The following ARHGAP24 variants were observed in gnomAD, a reference collection of about 807,000 sequenced individuals.
The protein encoded by ARHGAP24 is rho GTPase-activating protein 24.
ARHGAP24 carries 50 observed loss-of-function variants against 76.4 expected under a neutral mutation model. The ratio of observed to expected loss-of-function variants is 0.65; its 90% CI spans 0.52 to 0.83. The LOEUF is 0.83. Among genes scored for constraint, ARHGAP24 ranks in the 40% least tolerant of loss-of-function variants. ARHGAP24 has a pLI of 0.00. For missense variants in ARHGAP24, 930 were observed against 914.2 expected, an observed-to-expected ratio of 1.02 and a Z score of -0.22; for synonymous variants, 345 against 323.3, an observed-to-expected ratio of 1.07 and a Z score of -0.72.
intron 2 of ARHGAP24, among the ~76,000 whole-genome samples, chr4:85,678,233 G>T (rs1368677225): frequency 5.3e-5 from 8 of 151,742 alleles, no homozygotes; most frequent in African/African-American, 1.7e-4. Flanking sequence ...GCATGGCATA[G>T]TGGTGACCTG....
In ARHGAP24 at chr4:85,476,504, A is replaced by G. The variant is rs558947186; in HGVS notation, c.-21+945A>G. On this transcript the variant is annotated intron_variant, in intron 1 of 9. Transcript: ENST00000395184. ...TAAATAAATCGTGCTGAGTATTTGG[A>G]ATATAAAAGTTGTTAAGGCTTTGCT... is the stretch of plus-strand genomic sequence containing the variant. Among the ~76,000 whole-genome samples the G allele has an allele frequency of 7.6e-4, 116 of 152,304 alleles. 1 individual carries two copies. The South Asian group carries it at 8.9e-3, about 12-fold the overall frequency.
At chr4:85,625,035 A>C (rs1720887875) in intron 2 of ARHGAP24, among the ~76,000 whole-genome samples, 1 of 152,084 alleles carries the variant, frequency 6.6e-6, no homozygotes, top group African/African-American at 2.4e-5. Context: ...TCCTGAATTC[A>C]TTAATTTTTT....
intron 1 of ARHGAP24, among the ~76,000 whole-genome samples, chr4:85,504,284 G>A (rs532829322): frequency 1.1e-4 from 17 of 152,240 alleles, no homozygotes; most frequent in South Asian, 4.1e-4. Flanking sequence ...TTAACCTTCC[G>A]TCTCATTGAT....
At chr4:85,710,296 G>A (rs1724477226) in intron 2 of ARHGAP24, among the ~76,000 whole-genome samples, 1 of 152,156 alleles carries the variant, frequency 6.6e-6, no homozygotes, top group Admixed American at 6.6e-5. Flanking sequence ...TAACTGGCTA[G>A]CCATATGCAG....
intron 2 of ARHGAP24, among the ~76,000 whole-genome samples, chr4:85,606,287 G>T (rs1560549915): frequency 6.6e-6 from 1 of 152,134 alleles, no homozygotes; most frequent in African/African-American, 2.4e-5. Flanking sequence ...GCCAAGGCGG[G>T]CAGATCATGA....
chr4:85,480,853 C>T (rs889243608), intron 1 of ARHGAP24, among the ~76,000 whole-genome samples: 9 of 152,000 alleles, frequency 5.9e-5, no homozygotes, highest in African/African-American at 1.4e-4. Context: ...TTAGGGATGT[C>T]GCTGAGAAGG....
intron 2 of ARHGAP24, among the ~76,000 whole-genome samples, chr4:85,629,551 C>A (rs1444426210): frequency 1.3e-5 from 2 of 152,112 alleles, no homozygotes; most frequent in African/African-American, 2.4e-5. Context: ...AAAATTAACT[C>A]CCATAGTTTT....
At chr4:85,969,631 C>T (rs1180528338) in intron 5 of ARHGAP24, among the ~76,000 whole-genome samples, 1 of 152,086 alleles carries the variant, frequency 6.6e-6, no homozygotes, top group Admixed American at 6.6e-5. Flanking sequence ...TATGCATATC[C>T]TTCCCCAAGC....
intron 9 of ARHGAP24, among the ~76,000 whole-genome samples, chr4:85,997,326 T>TA (rs138848422): frequency 4.4e-4 from 62 of 142,408 alleles, no homozygotes; most frequent in Middle Eastern, 7.1e-3. Context: ...GATAGATAGA[T>TA]GATAGATAGA....
intron 1 of ARHGAP24, among the ~76,000 whole-genome samples, chr4:85,535,166 CATTT>C (rs991396159): frequency 2.4e-4 from 37 of 152,138 alleles, no homozygotes; most frequent in African/African-American, 7.0e-4. Context: ...TACCCCTATT[CATTT>C]ATTTATAGTT....
intron 2 of ARHGAP24, among the ~76,000 whole-genome samples, chr4:85,584,409 G>A (rs1285322518): frequency 6.7e-6 from 1 of 150,116 alleles, no homozygotes. Flanking sequence ...CATGGACACA[G>A]GAAGGGGAAC....
chr4:85,664,092 G>T (rs1399065773), intron 2 of ARHGAP24, among the ~76,000 whole-genome samples: 2 of 151,362 alleles, frequency 1.3e-5, no homozygotes, highest in East Asian at 3.8e-4. Flanking sequence ...AATGGTACCA[G>T]TTCCTCCTTG....
intron 2 of ARHGAP24, among the ~76,000 whole-genome samples, chr4:85,655,790 T>TAGAGAGAGAG (rs1351229097): frequency 3.4e-4 from 17 of 50,154 alleles, no homozygotes; most frequent in African/African-American, 3.4e-4. Context: ...TATATATATA[T>TAGAGAGAGAG]ATAGAGAGAG....
At chr4:85,928,849 A>G (rs895766969) in intron 4 of ARHGAP24, among the ~76,000 whole-genome samples, 1 of 152,116 alleles carries the variant, frequency 6.6e-6, no homozygotes, top group Admixed American at 6.5e-5. Context: ...CTCCTAATGA[A>G]AAGAGTTGAT....
chr4:85,883,114 G>A (rs937738765), intron 3 of ARHGAP24, among the ~76,000 whole-genome samples: 27 of 152,132 alleles, frequency 1.8e-4, no homozygotes, highest in African/African-American at 6.5e-4. Flanking sequence ...GCAGGGAGGA[G>A]AACTGTCACC....
At chr4:85,745,656 A>G (rs758531358) in intron 3 of ARHGAP24, among the ~76,000 whole-genome samples, 1 of 151,912 alleles carries the variant, frequency 6.6e-6, no homozygotes, top group African/African-American at 2.4e-5. Context: ...CTTGCATACT[A>G]CACAGTATGA....
intron 3 of ARHGAP24, among the ~76,000 whole-genome samples, chr4:85,722,783 T>C (rs895438076): frequency 6.6e-6 from 1 of 152,228 alleles, no homozygotes; most frequent in Admixed American, 6.5e-5. Context: ...TTGATATTGA[T>C]TTGATCACAG....
At chr4:85,499,921 T>C (rs140485154) in intron 1 of ARHGAP24, among the ~76,000 whole-genome samples, 1 of 152,256 alleles carries the variant, frequency 6.6e-6, no homozygotes, top group East Asian at 1.9e-4. Flanking sequence ...AAGTTAAGCT[T>C]ATTGGGGGAA....
intron 2 of ARHGAP24, among the ~76,000 whole-genome samples, chr4:85,611,891 T>G (rs1720393642): frequency 6.6e-6 from 1 of 152,216 alleles, no homozygotes; most frequent in Admixed American, 6.5e-5. Flanking sequence ...TTCAGATATT[T>G]AATTATAATC....
Sources: allele counts gnomAD v4.1 joint callset (sites outside exome capture counted in the v4.1 genomes callset), GRCh38; gene constraint gnomAD v4.1.1; transcripts MANE v1.5; gene names NCBI Gene and HGNC (gene_info 2026-07-23, HGNC 2026-07-21).